The following PRKCQ variants were observed in gnomAD, a reference collection of about 807,000 sequenced individuals.
The protein encoded by PRKCQ is protein kinase C theta type.
PRKCQ carries 41 observed loss-of-function variants against 91.2 expected under a neutral mutation model. That is an observed-to-expected ratio of 0.45 (90% CI 0.35 to 0.58). The LOEUF is 0.58. Among genes scored for constraint, PRKCQ ranks in the 20% least tolerant of loss-of-function variants. The probability of loss-of-function intolerance (pLI) is 0.00; values close to 1 mark genes in which losing one functional copy is unlikely to be tolerated. For missense variants in PRKCQ, 673 were observed against 896.5 expected, an observed-to-expected ratio of 0.75 and a Z score of 3.18; for synonymous variants, 307 against 316.9, an observed-to-expected ratio of 0.97 and a Z score of 0.33.
intron 15 of PRKCQ, among the ~76,000 whole-genome samples, chr10:6,446,814 C>G (rs145285404): frequency 6.6e-5 from 10 of 152,336 alleles, no homozygotes; most frequent in African/African-American, 2.4e-4. Context: ...ATCAGATGCA[C>G]AGCTCAAAAT....
intron 1 of PRKCQ, among the ~76,000 whole-genome samples, chr10:6,544,940 T>C (rs1241571399): frequency 1.3e-5 from 2 of 151,044 alleles, no homozygotes; most frequent in East Asian, 3.9e-4. Context: ...TTAAGTCAAC[T>C]CTTTCTTTTC....
At chr10:6,504,791 A>G (rs926920912) in intron 4 of PRKCQ, among the ~76,000 whole-genome samples, 1 of 152,238 alleles carries the variant, frequency 6.6e-6, no homozygotes, top group Non-Finnish European at 1.5e-5. Flanking sequence ...AGGTTATTCC[A>G]TAACTTTGGT....
chr10:6,402,274 C>T, the PRKCQ span, among the ~76,000 whole-genome samples: 1 of 148,048 alleles, frequency 6.8e-6, no homozygotes, highest in Non-Finnish European at 1.5e-5. Context: ...CACCATGGCA[C>T]GTGCATACCT....
chr10:6,448,946 CA>C (rs1488299894), intron 15 of PRKCQ, among the ~76,000 whole-genome samples: 1 of 151,930 alleles, frequency 6.6e-6, no homozygotes, highest in Non-Finnish European at 1.5e-5. Flanking sequence ...TCACCATCAT[CA>C]AAGACCAAAA....
the PRKCQ span, among the ~76,000 whole-genome samples, chr10:6,397,383 C>T: frequency 1.1e-4 from 17 of 150,592 alleles, no homozygotes; most frequent in African/African-American, 4.1e-4. Context: ...CATGAGCCAC[C>T]ATGTCCGACC....
chr10:6,572,976 C>G (rs1291860562), intron 1 of PRKCQ, among the ~76,000 whole-genome samples: 3 of 152,084 alleles, frequency 2.0e-5, no homozygotes, highest in Admixed American at 6.6e-5. Flanking sequence ...TTGCATTTCT[C>G]TAATGATCAG....
intron 1 of PRKCQ, among the ~76,000 whole-genome samples, chr10:6,526,313 T>C (rs1839194423): frequency 1.3e-5 from 2 of 152,178 alleles, no homozygotes; most frequent in African/African-American, 4.8e-5. Flanking sequence ...TTACTAGAGC[T>C]ACTAGGCACT....
intron 12 of PRKCQ, among the ~76,000 whole-genome samples, chr10:6,467,369 G>C (rs1011170157): frequency 9.1e-6 from 1 of 109,906 alleles, no homozygotes; most frequent in Non-Finnish European, 2.0e-5. Flanking sequence ...GAGAGAGAGA[G>C]AGAGACAGAG....
At chr10:6,479,947 G>C (rs1318996895) in intron 11 of PRKCQ, among the ~76,000 whole-genome samples, 1 of 151,632 alleles carries the variant, frequency 6.6e-6, no homozygotes, top group Non-Finnish European at 1.5e-5. Context: ...GTGAGACTGT[G>C]TCTCAAAATA....
intron 12 of PRKCQ, among the ~76,000 whole-genome samples, chr10:6,472,949 G>A (rs995134064): frequency 1.9e-4 from 29 of 152,198 alleles, no homozygotes; most frequent in African/African-American, 7.0e-4. Flanking sequence ...CTGACCCCAA[G>A]GTGATCCACC....
chr10:6,579,529 G>A (rs929763016), intron 1 of PRKCQ, among the ~76,000 whole-genome samples: 10 of 152,112 alleles, frequency 6.6e-5, no homozygotes, highest in Admixed American at 2.6e-4. Flanking sequence ...GATAACGGTG[G>A]CTCTCGAAAA....
At chr10:6,557,042 T>C (rs968796022) in intron 1 of PRKCQ, among the ~76,000 whole-genome samples, 1 of 152,156 alleles carries the variant, frequency 6.6e-6, no homozygotes, top group Non-Finnish European at 1.5e-5. Context: ...CCCTTGCCAT[T>C]CTTGTGATTT....
At chr10:6,434,989 A>G (rs529578098) in intron 16 of PRKCQ, among the ~76,000 whole-genome samples, 2 of 152,186 alleles carry the variant, frequency 1.3e-5, no homozygotes, top group Admixed American at 6.5e-5. Flanking sequence ...ATCTCGGCTC[A>G]CTGCAAGCTC....
intron 15 of PRKCQ, among the ~76,000 whole-genome samples, chr10:6,442,514 T>C (rs1233796778): frequency 2.6e-5 from 4 of 152,274 alleles, no homozygotes; most frequent in South Asian, 2.1e-4. Flanking sequence ...ATAAACTCTG[T>C]AGTAATCAGG....
intron 12 of PRKCQ, among the ~76,000 whole-genome samples, chr10:6,471,164 C>G (rs11819303): frequency 3.9e-5 from 6 of 152,080 alleles, no homozygotes; most frequent in African/African-American, 7.3e-5. Context: ...TCCGCTCCCC[C>G]CTGTGCCCAG....
In PRKCQ at chr10:6,427,534, C is replaced by T. The variant is rs1380445446; in HGVS notation, c.*673G>A. 1 of 152,316 alleles carries T rather than the reference C, an allele frequency of 6.6e-6. No individual in the cohort carries two copies. Among genetic ancestry groups the T allele is most frequent in the Non-Finnish European group, 1.5e-5 (1 of 68,180 alleles). The allele number at this position is 152,316 out of a possible 1,614,324, so 9.4% of individuals were successfully genotyped here. A position where few individuals can be genotyped will look rare whatever the true frequency, so the allele number is the denominator to read the frequency against. ...AATGATACTATCTTTTCTATCTTGA[C>T]AAGATAACAAGCGAAGGTGTCTAGC... On this transcript the variant is annotated 3_prime_UTR_variant, in exon 18 of 18. Coordinates refer to ENST00000263125, the MANE Select transcript of PRKCQ (RefSeq NM_006257.5).
At chr10:6,467,296 T>TGAGA (rs35362449) in intron 12 of PRKCQ, among the ~76,000 whole-genome samples, 5 of 111,856 alleles carry the variant, frequency 4.5e-5, no homozygotes, top group African/African-American at 1.6e-4. Flanking sequence ...CCAAGCAGGC[T>TGAGA]GAGAGAGAGA....
At chr10:6,449,092 T>A (rs1343476541) in intron 15 of PRKCQ, among the ~76,000 whole-genome samples, 1 of 152,206 alleles carries the variant, frequency 6.6e-6, no homozygotes, top group Non-Finnish European at 1.5e-5. Flanking sequence ...AGAATGACTT[T>A]GACGAGTTGA....
chr10:6,472,074 C>T (rs1415084509), intron 12 of PRKCQ, among the ~76,000 whole-genome samples: 4 of 152,030 alleles, frequency 2.6e-5, no homozygotes, highest in South Asian at 4.2e-4. Flanking sequence ...TCTGGGAGGC[C>T]GAGGTGGGTG....
Sources: gnomAD v4.1 joint callset for allele counts (sites outside exome capture counted in the v4.1 genomes callset) on GRCh38, gnomAD v4.1.1 for gene constraint, MANE v1.5 for transcripts, NCBI Gene and HGNC (gene_info 2026-07-23, HGNC 2026-07-21) for gene names.